The following PPP1R12B variants were observed in gnomAD, a reference collection of about 807,000 sequenced individuals.
PPP1R12B encodes protein phosphatase 1 regulatory subunit 12B, also known as myosin phosphatase target subunit 2.
A neutral mutation model predicts 126.1 loss-of-function variants in PPP1R12B; 76 were observed. The ratio of observed to expected loss-of-function variants is 0.60; its 90% CI spans 0.50 to 0.73. The LOEUF (loss-of-function observed/expected upper bound fraction) is 0.73. PPP1R12B is among the 30% of genes least tolerant of loss of function. PPP1R12B has a pLI of 0.00. For synonymous variants in PPP1R12B, 356 were observed against 434.7 expected, an observed-to-expected ratio of 0.82 and a Z score of 2.25; for missense variants, 1,052 against 1,205.1, an observed-to-expected ratio of 0.87 and a Z score of 1.88.
At position 202,438,440 on chromosome 1, in the gene PPP1R12B, C is replaced by A. The variant is rs555254976; in HGVS notation, c.1458+416C>A. The A allele has an allele frequency of 1.1e-5, 5 of 446,448 alleles. No homozygotes were observed. The Admixed American group carries it at 1.7e-4, about 15-fold the overall frequency. 27.7% of individuals were successfully genotyped at this position (446,448 alleles called of 1,614,324 possible). A position where few individuals can be genotyped will look rare whatever the true frequency, so the allele number is the denominator to read the frequency against. On this transcript the variant is annotated intron_variant, in intron 10 of 23. Transcript: ENST00000608999. ...CCTCTAAGCCCTCTGCCCCCGCCTC[C>A]TGCCAGGGTCCCACCGCTTGAGGAC...
chr1:202,383,722 T>C (rs1399108519), intron 1 of PPP1R12B, among the ~76,000 whole-genome samples: 1 of 151,766 alleles, frequency 6.6e-6, no homozygotes, highest in African/African-American at 2.4e-5. Context: ...AGACTGTGTC[T>C]CAAAAAAAAA....
chr1:202,369,170 T>A (rs1280246621), intron 1 of PPP1R12B, among the ~76,000 whole-genome samples: 2 of 152,348 alleles, frequency 1.3e-5, no homozygotes, highest in African/African-American at 4.8e-5. Flanking sequence ...TCTGAGACAG[T>A]GAAGACATTT....
In PPP1R12B at chr1:202,451,870, G is replaced by A. The variant is rs189681329; in HGVS notation, c.1850+2699G>A. ...GCTGACCCCCACCTCCCTTCCGGAC[G>A]GGGTGGCTGCTGGGTGGAGACGCTC... On this transcript the variant is annotated intron_variant, in intron 13 of 23. Transcript: ENST00000608999. 1.6e-3 allele frequency among the ~76,000 whole-genome samples: 248 copies of A among 151,962 alleles called. 1 individual carries two copies. The highest frequency in any genetic ancestry group is 5.8e-3 in the African/African-American group (239 of 41,444).
At chr1:202,446,245 TATATA>T (rs1672252073) in intron 12 of PPP1R12B, among the ~76,000 whole-genome samples, 1 of 63,222 alleles carries the variant, frequency 1.6e-5, no homozygotes, top group African/African-American at 7.8e-5. Flanking sequence ...TCTATATATA[TATATA>T]TATATATTTT....
Position 202,577,545 on chromosome 1 carries a change from T to C in PPP1R12B, c.2863-2929T>C, listed in dbSNP as rs180673949. ...TGAGATAACTAAGCCAAACTGGCAG[T>C]GCAGTCGAGAGATTTTACTCTACCT... On this transcript the variant is annotated intron_variant, in intron 23 of 23. Coordinates refer to ENST00000608999, the MANE Select transcript of PPP1R12B (RefSeq NM_002481.4). Among the ~76,000 whole-genome samples, 385 of 152,016 alleles carry C rather than the reference T, an allele frequency of 2.5e-3. 1 individual carries two copies. Among genetic ancestry groups the C allele is most frequent in the Non-Finnish European group, 4.0e-3 (272 of 67,976 alleles).
At chr1:202,459,239 T>A (rs911447467) in intron 13 of PPP1R12B, among the ~76,000 whole-genome samples, 1 of 152,192 alleles carries the variant, frequency 6.6e-6, no homozygotes, top group African/African-American at 2.4e-5. Context: ...TTATGGATAC[T>A]TTTTATTTTT....
chr1:202,497,499 T>G (rs1175795341), intron 18 of PPP1R12B, among the ~76,000 whole-genome samples: 1 of 152,250 alleles, frequency 6.6e-6, no homozygotes, highest in East Asian at 1.9e-4. Flanking sequence ...AAAGATGACC[T>G]TTTGTATCCT....
intron 1 of PPP1R12B, among the ~76,000 whole-genome samples, chr1:202,387,647 T>G (rs999842318): frequency 2.0e-5 from 3 of 152,216 alleles, no homozygotes; most frequent in Non-Finnish European, 4.4e-5. Context: ...TAATGATTTA[T>G]TAAAAGGCCA....
At chr1:202,349,387 T>C (rs954468888) in intron 1 of PPP1R12B, among the ~76,000 whole-genome samples, 1 of 152,204 alleles carries the variant, frequency 6.6e-6, no homozygotes, top group African/African-American at 2.4e-5. Context: ...CTCCACCTAC[T>C]TGTGTTGTCA....
chr1:202,495,456 C>T lies in PPP1R12B; in HGVS notation c.2309C>T (p.Thr770Ile). The T allele has an allele frequency of 6.2e-7, 1 of 1,607,658 alleles. No individual in the cohort carries two copies. The highest frequency in any genetic ancestry group is 8.5e-7 in the Non-Finnish European group (1 of 1,176,894). Reference protein sequence around the residue: ...SESSETTTNTTTAKEMDKNEN... With the variant: ...SESSETTTNTITAKEMDKNEN... ...AGTTCAGAGACTACCACAAACACTA[C>T]AACTGCAAAGGAAATGGACAAAAAT... Residue 770 changes from threonine to isoleucine, a missense_variant, in exon 16 of 24, where the codon ACA becomes ATA. Physicochemically the swap from Thr to Ile is moderately conservative, Grantham distance 89 (BLOSUM62 -1). Coordinates refer to ENST00000608999, the MANE Select transcript of PPP1R12B (RefSeq NM_002481.4).
intron 1 of PPP1R12B, among the ~76,000 whole-genome samples, chr1:202,405,513 T>C (rs1173778483): frequency 1.3e-5 from 2 of 152,212 alleles, no homozygotes; most frequent in Non-Finnish European, 2.9e-5. Flanking sequence ...ACAAGGGTAA[T>C]ATAATAATAG....
rs947801929 is a variant in PPP1R12B at position 202,584,437 on chromosome 1, C to T, written c.*3877C>T. On this transcript the variant is annotated 3_prime_UTR_variant, in exon 24 of 24. Coordinates refer to ENST00000608999, the MANE Select transcript of PPP1R12B (RefSeq NM_002481.4). The stretch of plus-strand genomic sequence containing the variant: ...TCAAGTTAATGGTCTGTGGATCCCA[C>T]GAAAGTGTGTGTAAACTACTGACTG... The T allele has an allele frequency of 5.3e-5, 8 of 152,202 alleles. No individual in the cohort carries two copies. Among genetic ancestry groups the T allele is most frequent in the African/African-American group, 1.9e-4 (8 of 41,448 alleles). The allele number at this position is 152,202 out of a possible 1,614,324, so 9.4% of individuals were successfully genotyped here. A position where few individuals can be genotyped will look rare whatever the true frequency, so the allele number is the denominator to read the frequency against.
intron 13 of PPP1R12B, among the ~76,000 whole-genome samples, chr1:202,451,950 G>A (rs1400195776): frequency 6.6e-6 from 1 of 151,866 alleles, no homozygotes; most frequent in African/African-American, 2.4e-5. Context: ...CTTCTCAGAC[G>A]GGGCGGCTGC....
chr1:202,395,114 C>CAAA (rs71142529), intron 1 of PPP1R12B, among the ~76,000 whole-genome samples: 46 of 96,650 alleles, frequency 4.8e-4, no homozygotes, highest in South Asian at 1.5e-3. Context: ...GAGACTCTCT[C>CAAA]AAAAAAAAAA....
At chr1:202,436,285 A>G (rs904347448) in intron 9 of PPP1R12B, among the ~76,000 whole-genome samples, 1 of 151,946 alleles carries the variant, frequency 6.6e-6, no homozygotes, top group Non-Finnish European at 1.5e-5. Flanking sequence ...AACAACAACA[A>G]CAACAACAAC....
chr1:202,507,851 GCTGGA>G (rs1343085494), intron 18 of PPP1R12B, among the ~76,000 whole-genome samples: 1 of 152,190 alleles, frequency 6.6e-6, no homozygotes, highest in East Asian at 1.9e-4. Context: ...TGATAGCATG[GCTGGA>G]GAGCCTTAAC....
At chr1:202,422,778 A>G (rs755803866) in intron 3 of PPP1R12B, 40 bp downstream of exon 3, 2 of 1,611,720 alleles carry the variant, frequency 1.2e-6, no homozygotes, top group Non-Finnish European at 8.5e-7. Flanking sequence ...AAGATTCTCA[A>G]ACACTGCCAT....
At chr1:202,414,867 C>G (rs908028625) in intron 1 of PPP1R12B, among the ~76,000 whole-genome samples, 1 of 152,146 alleles carries the variant, frequency 6.6e-6, no homozygotes, top group Admixed American at 6.5e-5. Flanking sequence ...ACTGCAGCCT[C>G]GACCTCCCAG....
intron 1 of PPP1R12B, among the ~76,000 whole-genome samples, chr1:202,353,049 A>C (rs1419305886): frequency 6.6e-6 from 1 of 152,194 alleles, no homozygotes; most frequent in Non-Finnish European, 1.5e-5. Flanking sequence ...GGAGGCTAAA[A>C]TCACGTATTT....
Sources: gnomAD v4.1 joint callset for allele counts (sites outside exome capture counted in the v4.1 genomes callset) on GRCh38, gnomAD v4.1.1 for gene constraint, MANE v1.5 for transcripts, NCBI Gene and HGNC (gene_info 2026-07-23, HGNC 2026-07-21) for gene names.